The following ABL1 variants were observed in gnomAD, a reference collection of about 807,000 sequenced individuals.
ABL1 encodes the protein ABL proto-oncogene 1, non-receptor tyrosine kinase, also known as tyrosine-protein kinase ABL1.
In ABL1, 11 loss-of-function variants were observed where a neutral mutation model predicts 94.7. The ratio of observed to expected loss-of-function variants is 0.12; its 90% CI spans 0.07 to 0.19. The LOEUF (loss-of-function observed/expected upper bound fraction) is 0.19, where lower values mean the gene tolerates loss of function less well. Among genes scored for constraint, ABL1 ranks in the 10% least tolerant of loss-of-function variants. The pLI is 1.00. For synonymous variants in ABL1, 656 were observed against 622.4 expected, an observed-to-expected ratio of 1.05 and a Z score of -0.80; for missense variants, 1,082 against 1,489.4, an observed-to-expected ratio of 0.73 and a Z score of 4.50.
At chr9:130,766,771 C>T (rs1390399090) in intron 1 of ABL1, among the ~76,000 whole-genome samples, 2 of 152,206 alleles carry the variant, frequency 1.3e-5, no homozygotes, top group African/African-American at 2.4e-5. Flanking sequence ...CCGGCCCCAC[C>T]CTGCCTTGCC....
intron 1 of ABL1, among the ~76,000 whole-genome samples, chr9:130,810,180 A>AT (rs765084271): frequency 2.0e-4 from 31 of 152,302 alleles, no homozygotes; most frequent in Middle Eastern, 6.8e-3. Flanking sequence ...TAAAGAAAAG[A>AT]TTTAATATGT....
chr9:130,723,968 C>G (rs554031500), intron 1 of ABL1, among the ~76,000 whole-genome samples: 1 of 152,164 alleles, frequency 6.6e-6, no homozygotes, highest in Admixed American at 6.6e-5. Flanking sequence ...CCCGCCACCA[C>G]ACCTGGCCAA....
At chr9:130,754,862 A>G (rs1190511055) in intron 1 of ABL1, among the ~76,000 whole-genome samples, 1 of 152,166 alleles carries the variant, frequency 6.6e-6, no homozygotes, top group African/African-American at 2.4e-5. Flanking sequence ...TTGTCTGCTC[A>G]GGGAGAGAAG....
intron 1 of ABL1, among the ~76,000 whole-genome samples, chr9:130,795,338 C>T (rs150398810): frequency 6.6e-6 from 1 of 152,166 alleles, no homozygotes; most frequent in South Asian, 2.1e-4. Flanking sequence ...TAAACAAAGC[C>T]TGTTCCTGGA....
At chr9:130,716,072 C>CTTTTTTTTTTTTTTT (rs71389339) in intron 1 of ABL1, among the ~76,000 whole-genome samples, 3 of 91,184 alleles carry the variant, frequency 3.3e-5, no homozygotes, top group Non-Finnish European at 4.7e-5. Flanking sequence ...GAAAAATGTC[C>CTTTTTTTTTTTTTTT]TTTTTTTTTT....
At chr9:130,881,298 G>T (rs1831448608) in intron 10 of ABL1, among the ~76,000 whole-genome samples, 1 of 152,182 alleles carries the variant, frequency 6.6e-6, no homozygotes, top group South Asian at 2.1e-4. Flanking sequence ...TCCAGGTTCT[G>T]CTGCAGACCA....
At chr9:130,776,513 G>A (rs900958363) in intron 1 of ABL1, among the ~76,000 whole-genome samples, 3 of 151,880 alleles carry the variant, frequency 2.0e-5, no homozygotes, top group African/African-American at 7.3e-5. Context: ...GGAGGCGGAG[G>A]TTGCAGTGAC....
At chr9:130,821,871 C>T (rs527600555) in intron 1 of ABL1, among the ~76,000 whole-genome samples, 51 of 148,666 alleles carry the variant, frequency 3.4e-4, no homozygotes, top group African/African-American at 1.1e-3. Flanking sequence ...GACAGAGTCT[C>T]GCTCTGTCAC....
chr9:130,817,595 T>C (rs528309644), intron 1 of ABL1, among the ~76,000 whole-genome samples: 2 of 152,368 alleles, frequency 1.3e-5, no homozygotes, highest in East Asian at 3.9e-4. Flanking sequence ...TAAATGACCC[T>C]GTCTCCTTTG....
At chr9:130,857,028 G>A (rs527952359) in intron 3 of ABL1, among the ~76,000 whole-genome samples, 203 of 152,270 alleles carry the variant, frequency 1.3e-3, no homozygotes, top group Non-Finnish European at 2.4e-3. Context: ...AAAGTTTCAT[G>A]AAGTCTTACC....
intron 1 of ABL1, among the ~76,000 whole-genome samples, chr9:130,850,999 C>G (rs1830849909): frequency 6.6e-6 from 1 of 152,052 alleles, no homozygotes; most frequent in African/African-American, 2.4e-5. Flanking sequence ...TCTCGGCTCC[C>G]TGCAAGCTCC....
rs190841999 is a variant in ABL1 at position 130,802,377 on chromosome 9, A to G, written c.137-51687A>G. Among the ~76,000 whole-genome samples, 49 of 152,312 alleles carry G rather than the reference A, an allele frequency of 3.2e-4. No individual in the cohort carries two copies. In the East Asian group the frequency reaches 8.9e-3, roughly 28 times the overall value. Reference sequence around the variant, plus strand: ...CCAAAATGCTAGGATTACAGGTGTCAGCCACTATGCCAGCCTTTTCAATTT... The same window carrying G: ...CCAAAATGCTAGGATTACAGGTGTCGGCCACTATGCCAGCCTTTTCAATTT... On this transcript the variant is annotated intron_variant, in intron 1 of 10. Coordinates refer to the ABL1 transcript ENST00000372348.
chr9:130,739,077 A>T (rs1022354509), intron 1 of ABL1, among the ~76,000 whole-genome samples: 1 of 152,080 alleles, frequency 6.6e-6, no homozygotes, highest in Non-Finnish European at 1.5e-5. Context: ...TTTTTTTAGT[A>T]GAGACGTGGT....
intron 1 of ABL1, among the ~76,000 whole-genome samples, chr9:130,830,074 G>C (rs1345267000): frequency 6.6e-6 from 1 of 152,082 alleles, no homozygotes; most frequent in East Asian, 1.9e-4. Context: ...AGTACTGCTT[G>C]AGTTTTAACC....
intron 4 of ABL1, among the ~76,000 whole-genome samples, chr9:130,865,199 C>G (rs754248885): frequency 2.6e-5 from 4 of 152,168 alleles, no homozygotes; most frequent in African/African-American, 9.7e-5. Flanking sequence ...AATTAACTTA[C>G]GATCTCACAG....
In ABL1 at chr9:130,873,042, G is replaced by A. The variant is rs1831279556; in HGVS notation, c.1085+5G>A. ...GAAGAAAAACTTCATCCACAGGTAGGGGCCTGGCCAGGCAGCCTGCGCCAT... is the reference window on the plus strand; with the variant it reads ...GAAGAAAAACTTCATCCACAGGTAGAGGCCTGGCCAGGCAGCCTGCGCCAT... On this transcript the variant is annotated splice_donor_5th_base_variant and intron_variant, in intron 6 of 10. Coordinates refer to ENST00000318560, the MANE Select transcript of ABL1 (RefSeq NM_005157.6). 1.9e-6 allele frequency: 3 copies of A among 1,611,424 alleles called. No individual in the cohort carries two copies. Among genetic ancestry groups the A allele is most frequent in the Non-Finnish European group, 1.7e-6 (2 of 1,178,470 alleles).
chr9:130,761,058 C>T (rs1405417318), intron 1 of ABL1, among the ~76,000 whole-genome samples: 1 of 151,338 alleles, frequency 6.6e-6, no homozygotes, highest in African/African-American at 2.4e-5. Flanking sequence ...CACCATTCTC[C>T]TGCCTCAGCC....
chr9:130,810,502 AAAG>A (rs1414037844), intron 1 of ABL1, among the ~76,000 whole-genome samples: 4 of 149,404 alleles, frequency 2.7e-5, no homozygotes, highest in African/African-American at 1.0e-4. Context: ...TCTCCACAAA[AAAG>A]AAAGATACAG....
At chr9:130,837,492 A>T (rs550324813) in intron 1 of ABL1, among the ~76,000 whole-genome samples, 2 of 152,210 alleles carry the variant, frequency 1.3e-5, no homozygotes, top group South Asian at 4.1e-4. Context: ...TGGGAAAAAA[A>T]TCTAAAACTC....
Sources: gnomAD v4.1 joint callset for allele counts (sites outside exome capture counted in the v4.1 genomes callset) on GRCh38, gnomAD v4.1.1 for gene constraint, MANE v1.5 for transcripts, NCBI Gene and HGNC (gene_info 2026-07-23, HGNC 2026-07-21) for gene names.